Variants in TNFRSF13B observed in about 807,000 individuals in gnomAD.
The protein encoded by TNFRSF13B is TNF receptor superfamily member 13B, also known as tumor necrosis factor receptor superfamily member 13B.
Under a neutral mutation model 24.0 loss-of-function variants are expected in TNFRSF13B, and 34 were observed. The ratio of observed to expected loss-of-function variants is 1.41; its 90% CI spans 1.08 to 1.88. The LOEUF is 1.88. Among genes scored for constraint, TNFRSF13B ranks in the 40% most tolerant of loss-of-function variants. TNFRSF13B has a pLI of 0.00. For missense variants in TNFRSF13B, 415 were observed against 380.8 expected (o/e 1.09, Z -0.75); for synonymous variants, 173 against 150.3 (o/e 1.15, Z -1.10).
rs774782734 is a variant in TNFRSF13B, at chr17:16,940,412, A to C, written c.545T>G (p.Val182Gly). 2.5e-6 allele frequency: 4 copies of C among 1,614,000 alleles called. No homozygotes were observed. In the Admixed American group the frequency reaches 6.7e-5, roughly 27 times the overall value. Residue 182 changes from valine (V) to glycine (G), a missense_variant, in exon 4 of 5, where the codon GTG becomes GGG. Val to Gly is a moderately radical substitution (Grantham distance 109). Transcript: ENST00000261652. ...CAVLCCFLVA[V>G]ACFLKKRGDP... ...CCCCCTCTTCTTGAGGAAGCAGGCC[A>C]CCGCCACCAGGAAGCAGCAGAGGAC... is the stretch of plus-strand genomic sequence containing the variant.
intron 1 of TNFRSF13B, among the ~76,000 whole-genome samples, chr17:16,953,033 C>T (rs1158218123): frequency 6.6e-6 from 1 of 152,222 alleles, no homozygotes; most frequent in Non-Finnish European, 1.5e-5. Flanking sequence ...TCTGACTCAC[C>T]CCCTAGACTA....
intron 3 of TNFRSF13B, among the ~76,000 whole-genome samples, chr17:16,945,322 A>G (rs991332124): frequency 6.6e-6 from 1 of 152,196 alleles, no homozygotes; most frequent in Non-Finnish European, 1.5e-5. Flanking sequence ...ATGGTCACAC[A>G]CATGAAGTGG....
chr17:16,967,904 G>A (rs1298615139), intron 1 of TNFRSF13B, among the ~76,000 whole-genome samples: 1 of 151,650 alleles, frequency 6.6e-6, no homozygotes, highest in African/African-American at 2.4e-5. Context: ...TTGGGATGCC[G>A]AGGTGGGTGG....
intron 1 of TNFRSF13B, among the ~76,000 whole-genome samples, chr17:16,961,586 C>T (rs1042144077): frequency 9.2e-5 from 14 of 151,918 alleles, no homozygotes; most frequent in East Asian, 1.9e-4. Context: ...CACAGGCAGC[C>T]GTTATTGATT....
chr17:16,942,451 G>T (rs1231411657), intron 3 of TNFRSF13B, among the ~76,000 whole-genome samples: 1 of 152,162 alleles, frequency 6.6e-6, no homozygotes, highest in African/African-American at 2.4e-5. Flanking sequence ...GGGGGAGATG[G>T]GAACTTGGGG....
intron 1 of TNFRSF13B, among the ~76,000 whole-genome samples, chr17:16,965,788 C>T (rs986500022): frequency 3.9e-5 from 6 of 151,914 alleles, no homozygotes; most frequent in South Asian, 2.1e-4. Flanking sequence ...AAAAGCAACC[C>T]GCTAAAATAT....
chr17:16,940,588 C>G (rs2087503224), intron 3 of TNFRSF13B, 77 bp from the exon 4 acceptor site: 2 of 1,553,558 alleles, frequency 1.3e-6, no homozygotes, highest in East Asian at 2.4e-5. Flanking sequence ...TCCACATCCC[C>G]CCATCCCCCT....
In TNFRSF13B at chr17:16,948,872, C is replaced by T. The variant is rs72553879; in HGVS notation, c.311G>A (p.Cys104Tyr). The T allele has an allele frequency of 1.5e-4, 244 of 1,614,248 alleles. No homozygotes were observed. Among genetic ancestry groups the T allele is most frequent in the Non-Finnish European group, 1.9e-4 (229 of 1,180,046 alleles). ...CACTGGGCTCCTGAGCTTGTTCTCA[C>T]AGAAGTATGCACATTGCTTAGGGTG... ...GQHPKQCAYF[C>Y]ENKLRSPVNL... The change falls in exon 3 of 5, where the codon TGT becomes TAT. Residue 104 changes from cysteine to tyrosine, a missense_variant. Physicochemically the swap from Cys to Tyr is radical, Grantham distance 194. Coordinates refer to ENST00000261652, the MANE Select transcript of TNFRSF13B (RefSeq NM_012452.3).
rs187540399 is a variant in TNFRSF13B at position 16,957,098 on chromosome 17, G to A, written c.62-4515C>T. On this transcript the variant is annotated intron_variant, in intron 1 of 4. Coordinates refer to ENST00000261652, the MANE Select transcript of TNFRSF13B (RefSeq NM_012452.3). The stretch of plus-strand genomic sequence containing the variant: ...TTGCTAGTTGAGGAGGCTGTGCGGG[G>A]GGATGTGGACAGGGATGTGGGAACT... 2.0e-3 allele frequency among the ~76,000 whole-genome samples: 311 copies of A among 151,888 alleles called. 1 individual carries two copies. Among genetic ancestry groups the A allele is most frequent in the Middle Eastern group, 0.014 (4 of 292 alleles).
Position 16,952,458 on chromosome 17 carries a change from C to T in TNFRSF13B, c.187G>A (p.Ala63Thr). 6.2e-7 allele frequency: 1 copy of T among 1,614,104 alleles called. No homozygotes were observed. ...CCCCAGAACTCACTGCAGAAGGCTG[C>T]ACAGGTGCGCTGGCTCTGATGGTTG... ...ICNHQSQRTC[A>T]AFCRSLSCRK... Residue 63 changes from alanine (A) to threonine (T), a missense_variant, in exon 2 of 5, where the codon GCA (alanine) becomes ACA (threonine). Physicochemically the swap from Ala to Thr is moderately conservative, Grantham distance 58. Transcript: ENST00000261652.
chr17:16,955,909 A>AT (rs1224515082), intron 1 of TNFRSF13B, among the ~76,000 whole-genome samples: 2 of 152,266 alleles, frequency 1.3e-5, no homozygotes, highest in Non-Finnish European at 2.9e-5. Flanking sequence ...GGCTAGAGCC[A>AT]GGATAAGCAA....
chr17:16,964,884 A>C (rs957228621), intron 1 of TNFRSF13B, among the ~76,000 whole-genome samples: 1 of 152,134 alleles, frequency 6.6e-6, no homozygotes, highest in African/African-American at 2.4e-5. Flanking sequence ...CTGGCTGTGC[A>C]CAACCTCAGT....
intron 1 of TNFRSF13B, among the ~76,000 whole-genome samples, chr17:16,955,529 G>C (rs2087618709): frequency 6.6e-6 from 1 of 152,222 alleles, no homozygotes; most frequent in Non-Finnish European, 1.5e-5. Flanking sequence ...AAAGATAGGA[G>C]ATTATGGAAT....
At chr17:16,970,149 C>T (rs2087733789) in intron 1 of TNFRSF13B, among the ~76,000 whole-genome samples, 1 of 152,158 alleles carries the variant, frequency 6.6e-6, no homozygotes. Context: ...TACATAAAAT[C>T]CCAGAACCAT....
At chr17:16,942,715 C>A (rs1381063942) in intron 3 of TNFRSF13B, among the ~76,000 whole-genome samples, 1 of 152,174 alleles carries the variant, frequency 6.6e-6, no homozygotes. Flanking sequence ...CGGAAATGAA[C>A]GGCGTTGATT....
chr17:16,971,372 C>A (rs8067937), intron 1 of TNFRSF13B, among the ~76,000 whole-genome samples: 63 of 51,992 alleles, frequency 1.2e-3, no homozygotes, highest in African/African-American at 7.2e-3. Context: ...AAAAACAAAA[C>A]AACAAAACAA....
At chr17:16,963,830 G>C (rs918577034) in intron 1 of TNFRSF13B, among the ~76,000 whole-genome samples, 3 of 152,200 alleles carry the variant, frequency 2.0e-5, no homozygotes, top group African/African-American at 7.2e-5. Flanking sequence ...GATTACAGGC[G>C]TGAGCCACAG....
intron 3 of TNFRSF13B, chr17:16,940,910 TAC>T: frequency 8.9e-7 from 1 of 1,118,208 alleles, no homozygotes; most frequent in Non-Finnish European, 1.1e-6. Context: ...AGTGAGCGTT[TAC>T]AGTCGTCCCT....
intron 1 of TNFRSF13B, among the ~76,000 whole-genome samples, chr17:16,970,560 G>C (rs2143694256): frequency 6.6e-6 from 1 of 152,390 alleles, no homozygotes; most frequent in East Asian, 1.9e-4. Flanking sequence ...AGGGGGTCTG[G>C]TAGTTTCATC....
Sources: allele counts gnomAD v4.1 joint callset (sites outside exome capture counted in the v4.1 genomes callset), GRCh38; gene constraint gnomAD v4.1.1; transcripts MANE v1.5; gene names NCBI Gene and HGNC (gene_info 2026-07-23, HGNC 2026-07-21).